ARID4B: variants seen among roughly 807,000 people sequenced by gnomAD.
ARID4B encodes the protein AT-rich interaction domain 4B.
ARID4B carries 26 observed loss-of-function variants against 147.5 expected under a neutral mutation model. That is an observed-to-expected ratio of 0.18 (90% CI 0.13 to 0.24). ARID4B has a LOEUF of 0.24. ARID4B is among the 10% of genes least tolerant of loss of function. ARID4B has a pLI of 1.00. For missense variants in ARID4B, 1,179 were observed against 1,511.5 expected, an observed-to-expected ratio of 0.78 and a Z score of 3.65; for synonymous variants, 512 against 507.9, an observed-to-expected ratio of 1.01 and a Z score of -0.11.
intron 16 of ARID4B, among the ~76,000 whole-genome samples, chr1:235,219,467 C>T (rs921032280): frequency 2.6e-5 from 4 of 152,134 alleles, no homozygotes; most frequent in African/African-American, 9.7e-5. Context: ...CTATAGCCAA[C>T]ATACAATATA....
chr1:235,208,099 T>C (rs186877821), intron 17 of ARID4B, among the ~76,000 whole-genome samples: 66 of 152,320 alleles, frequency 4.3e-4, no homozygotes, highest in African/African-American at 1.5e-3. Flanking sequence ...GAAAGCCAAG[T>C]TGGAAATGAG....
intron 19 of ARID4B, among the ~76,000 whole-genome samples, chr1:235,189,455 G>C (rs969422989): frequency 7.3e-6 from 1 of 137,476 alleles, no homozygotes; most frequent in African/African-American, 2.7e-5. Context: ...ACAGCAAAAA[G>C]TCAACAAAAG....
intron 2 of ARID4B, among the ~76,000 whole-genome samples, chr1:235,268,501 C>A (rs1670761115): frequency 6.6e-6 from 1 of 152,072 alleles, no homozygotes; most frequent in Non-Finnish European, 1.5e-5. Flanking sequence ...ACAACAACAA[C>A]AAACAGCAAT....
At chr1:235,171,894 A>G (rs1369580297) in intron 23 of ARID4B, among the ~76,000 whole-genome samples, 3 of 152,022 alleles carry the variant, frequency 2.0e-5, no homozygotes, top group Non-Finnish European at 4.4e-5. Context: ...CACCCACCGC[A>G]GCCTCCCAAA....
intron 2 of ARID4B, among the ~76,000 whole-genome samples, chr1:235,324,359 TAGAC>T (rs1454243088): frequency 6.6e-6 from 1 of 152,210 alleles, no homozygotes; most frequent in Non-Finnish European, 1.5e-5. Flanking sequence ...TAGCATATAT[TAGAC>T]AGTAATGGGA....
intron 8 of ARID4B, among the ~76,000 whole-genome samples, chr1:235,236,862 A>ATTTTTTTTT (rs869157061): frequency 1.7e-4 from 3 of 17,490 alleles, no homozygotes; most frequent in Non-Finnish European, 2.8e-4. Context: ...ATATATATAT[A>ATTTTTTTTT]TTTTTTTTTT....
intron 2 of ARID4B, among the ~76,000 whole-genome samples, chr1:235,301,627 C>A (rs191883429): frequency 5.2e-4 from 78 of 150,818 alleles, no homozygotes; most frequent in African/African-American, 1.9e-3. Flanking sequence ...CTCACTGCAA[C>A]CTCCCTCCAC....
intron 2 of ARID4B, among the ~76,000 whole-genome samples, chr1:235,324,471 A>G (rs571614871): frequency 6.6e-6 from 1 of 152,382 alleles, no homozygotes; most frequent in South Asian, 2.1e-4. Flanking sequence ...AAGTATTACT[A>G]CATAATCTAA....
At chr1:235,267,180 A>G (rs1670659262) in intron 2 of ARID4B, among the ~76,000 whole-genome samples, 1 of 152,174 alleles carries the variant, frequency 6.6e-6, no homozygotes, top group African/African-American at 2.4e-5. Context: ...AAGGAGGCTG[A>G]GGCGGGAGGA....
intron 3 of ARID4B, among the ~76,000 whole-genome samples, chr1:235,257,523 C>T (rs1485438099): frequency 6.6e-6 from 1 of 151,366 alleles, no homozygotes; most frequent in East Asian, 1.9e-4. Flanking sequence ...CACTCTGTCG[C>T]CCAGGTTGGA....
At chr1:235,272,097 T>C (rs886414905) in intron 2 of ARID4B, among the ~76,000 whole-genome samples, 2 of 152,190 alleles carry the variant, frequency 1.3e-5, no homozygotes, top group African/African-American at 4.8e-5. Flanking sequence ...CAATTACTTG[T>C]CTAGTGACCA....
chr1:235,264,550 T>C (rs773870547), intron 2 of ARID4B, among the ~76,000 whole-genome samples: 2 of 152,206 alleles, frequency 1.3e-5, no homozygotes, highest in Non-Finnish European at 2.9e-5. Context: ...TGAGTTTTTG[T>C]AGGCTACTGA....
intron 19 of ARID4B, among the ~76,000 whole-genome samples, chr1:235,186,016 T>C (rs1002745887): frequency 7.9e-5 from 12 of 151,372 alleles, no homozygotes; most frequent in Middle Eastern, 3.4e-3. Flanking sequence ...TGTCATCAGG[T>C]TGGAGTGCAG....
chr1:235,237,694 T>A (rs559050793), intron 8 of ARID4B, among the ~76,000 whole-genome samples: 1 of 152,060 alleles, frequency 6.6e-6, no homozygotes, highest in Non-Finnish European at 1.5e-5. Flanking sequence ...ACAAAAGAGT[T>A]TATATATATT....
At chr1:235,217,552 G>T (rs1667181491) in intron 16 of ARID4B, among the ~76,000 whole-genome samples, 1 of 151,972 alleles carries the variant, frequency 6.6e-6, no homozygotes. Context: ...AATTCACAAA[G>T]AAATATCAAA....
intron 9 of ARID4B, among the ~76,000 whole-genome samples, chr1:235,233,171 G>C (rs1572039207): frequency 6.6e-6 from 1 of 152,108 alleles, no homozygotes; most frequent in African/African-American, 2.4e-5. Context: ...TTTCAGACTG[G>C]GTGCAGAGGC....
Position 235,181,928 on chromosome 1 carries a change from A to C in ARID4B, c.2991T>G (p.Ile997Met). The C allele has an allele frequency of 1.9e-6, 3 of 1,613,994 alleles. No individual in the cohort carries two copies. Among genetic ancestry groups the C allele is most frequent in the Non-Finnish European group, 2.5e-6 (3 of 1,180,000 alleles). The change falls in exon 20 of 24, where the codon ATT becomes ATG. Residue 997 changes from isoleucine to methionine, a missense_variant. Transcript: ENST00000264183. The part of the protein sequence containing the change: ...PPPVNVDSKP[I>M]EEKTVEVNDR... ...CATTGACCTCTACTGTTTTTTCTTCAATGGGTTTACTATCGACATTGACTG... is the reference window on the plus strand; with the variant it reads ...CATTGACCTCTACTGTTTTTTCTTCCATGGGTTTACTATCGACATTGACTG...
Position 235,168,011 on chromosome 1 carries a change from C to T in ARID4B, c.*514G>A, listed in dbSNP as rs1571876217. On this transcript the variant is annotated 3_prime_UTR_variant, in exon 24 of 24. Transcript: ENST00000264183. ...TTGATGTCTAATATCCTGTTAACTG[C>T]AGGTTTTGAATTTATTACATGTGCT... is the stretch of plus-strand genomic sequence containing the variant. 5.1e-6 allele frequency: 1 copy of T among 195,594 alleles called. No individual in the cohort carries two copies. Among genetic ancestry groups the T allele is most frequent in the East Asian group, 8.1e-5 (1 of 12,300 alleles). The allele number at this position is 195,594 out of a possible 1,614,324, so 12.1% of individuals were successfully genotyped here. A position where few individuals can be genotyped will look rare whatever the true frequency, so the allele number is the denominator to read the frequency against.
intron 2 of ARID4B, among the ~76,000 whole-genome samples, chr1:235,322,715 A>G (rs1674925972): frequency 6.6e-6 from 1 of 152,176 alleles, no homozygotes; most frequent in Non-Finnish European, 1.5e-5. Context: ...AGCAGGTCAG[A>G]TGCCTCACCC....
Sources: allele counts gnomAD v4.1 joint callset (sites outside exome capture counted in the v4.1 genomes callset), GRCh38; gene constraint gnomAD v4.1.1; transcripts MANE v1.5; gene names NCBI Gene and HGNC (gene_info 2026-07-23, HGNC 2026-07-21).